The following SLC14A2 variants were observed in gnomAD, a reference collection of about 807,000 sequenced individuals.
The protein encoded by SLC14A2 is solute carrier family 14 member 2, also known as urea transporter 2.
A neutral mutation model predicts 104.6 loss-of-function variants in SLC14A2; 91 were observed. The observed-to-expected ratio is 0.87, with a 90% confidence interval of 0.73 to 1.04. The LOEUF (loss-of-function observed/expected upper bound fraction) is 1.04. SLC14A2 is among the 50% of genes least tolerant of loss of function. The pLI is 0.00. For missense variants in SLC14A2, 1,189 were observed against 1,156.0 expected, an observed-to-expected ratio of 1.03 and a Z score of -0.41; for synonymous variants, 476 against 466.4, an observed-to-expected ratio of 1.02 and a Z score of -0.27.
chr18:45,414,975 T>A (rs1023378578), intron 1 of SLC14A2, among the ~76,000 whole-genome samples: 3 of 151,564 alleles, frequency 2.0e-5, no homozygotes. Flanking sequence ...ATGTTTAACC[T>A]CTCCAAATTA....
At chr18:45,177,011 T>A in the SLC14A2 span, among the ~76,000 whole-genome samples, 1 of 152,186 alleles carries the variant, frequency 6.6e-6, no homozygotes, top group Admixed American at 6.6e-5. Flanking sequence ...CCTCATGCTT[T>A]TTCCTTCCAA....
chr18:45,341,595 C>CTTTTTTTT (rs376534367), intron 1 of SLC14A2, among the ~76,000 whole-genome samples: 11 of 83,154 alleles, frequency 1.3e-4, no homozygotes, highest in African/African-American at 1.6e-4. Context: ...TCTAGTATTA[C>CTTTTTTTT]TTTTTTTTTT....
At chr18:45,544,591 A>G (rs951352535) in intron 2 of SLC14A2, among the ~76,000 whole-genome samples, 3 of 152,122 alleles carry the variant, frequency 2.0e-5, no homozygotes, top group Non-Finnish European at 2.9e-5. Context: ...AGAAAAAAAC[A>G]ATTAAAATCA....
the SLC14A2 span, among the ~76,000 whole-genome samples, chr18:45,189,000 C>T: frequency 1.3e-5 from 2 of 152,186 alleles, no homozygotes; most frequent in South Asian, 4.1e-4. Context: ...AGCTCTGTTA[C>T]ATGCAATGCA....
chr18:45,226,744 A>G (rs1423666873), intron 1 of SLC14A2, among the ~76,000 whole-genome samples: 2 of 152,082 alleles, frequency 1.3e-5, no homozygotes, highest in African/African-American at 4.8e-5. Flanking sequence ...GCAGCACACC[A>G]ACATGGCACA....
At chr18:45,415,298 A>C (rs1026761381) in intron 1 of SLC14A2, among the ~76,000 whole-genome samples, 13 of 152,024 alleles carry the variant, frequency 8.6e-5, no homozygotes, top group African/African-American at 2.9e-4. Flanking sequence ...CATTCTCTCC[A>C]ATTTTATACG....
At chr18:45,574,245 G>C (rs906804529) in intron 2 of SLC14A2, among the ~76,000 whole-genome samples, 1 of 152,162 alleles carries the variant, frequency 6.6e-6, no homozygotes, top group African/African-American at 2.4e-5. Flanking sequence ...TAATGTAGGG[G>C]AGTTATGGGG....
At chr18:45,509,036 T>A (rs988378702) in intron 2 of SLC14A2, among the ~76,000 whole-genome samples, 1 of 152,152 alleles carries the variant, frequency 6.6e-6, no homozygotes, top group South Asian at 2.1e-4. Flanking sequence ...CTCAGGGACT[T>A]CAGATGGTCA....
intron 1 of SLC14A2, among the ~76,000 whole-genome samples, chr18:45,319,851 C>T (rs933873791): frequency 6.6e-6 from 1 of 152,126 alleles, no homozygotes; most frequent in Admixed American, 6.5e-5. Flanking sequence ...TCCAGAAATG[C>T]TGGGTTTTCT....
chr18:45,402,669 C>T (rs2086109256), intron 1 of SLC14A2, among the ~76,000 whole-genome samples: 1 of 152,194 alleles, frequency 6.6e-6, no homozygotes, highest in East Asian at 1.9e-4. Context: ...GATTTAGCCA[C>T]TCCCCTCCAC....
chr18:45,219,289 C>T (rs1040648750), intron 1 of SLC14A2, among the ~76,000 whole-genome samples: 2 of 152,164 alleles, frequency 1.3e-5, no homozygotes, highest in Non-Finnish European at 2.9e-5. Context: ...CTCTTGTCTG[C>T]ATTTTTGTGA....
chr18:45,478,991 G>T (rs1438171139), intron 1 of SLC14A2, among the ~76,000 whole-genome samples: 2 of 152,172 alleles, frequency 1.3e-5, no homozygotes, highest in Admixed American at 6.5e-5. Flanking sequence ...TGTTGGTTCT[G>T]CCCTCTTTGG....
At chr18:45,219,138 T>C (rs960318017) in intron 1 of SLC14A2, among the ~76,000 whole-genome samples, 1 of 152,138 alleles carries the variant, frequency 6.6e-6, no homozygotes, top group African/African-American at 2.4e-5. Flanking sequence ...GCCTCAATTT[T>C]CCCATCATTA....
intron 1 of SLC14A2, among the ~76,000 whole-genome samples, chr18:45,220,336 G>A (rs949873286): frequency 2.0e-5 from 3 of 152,214 alleles, no homozygotes; most frequent in Non-Finnish European, 4.4e-5. Flanking sequence ...GAAATGCCAA[G>A]TGGTTTTTGC....
chr18:45,607,916 G>A (rs2044897386), intron 2 of SLC14A2, among the ~76,000 whole-genome samples: 1 of 152,208 alleles, frequency 6.6e-6, no homozygotes, highest in Admixed American at 6.5e-5. Flanking sequence ...GTCATAACAT[G>A]GCAGTAGTTT....
At chr18:45,672,287 T>C (rs2046152922) in intron 16 of SLC14A2, among the ~76,000 whole-genome samples, 1 of 152,150 alleles carries the variant, frequency 6.6e-6, no homozygotes, top group African/African-American at 2.4e-5. Context: ...CCCAGCACTT[T>C]GGGAGACCAA....
intron 18 of SLC14A2, among the ~76,000 whole-genome samples, chr18:45,674,644 TA>T (rs1007462540): frequency 2.7e-5 from 4 of 150,864 alleles, no homozygotes; most frequent in African/African-American, 9.7e-5. Context: ...ATTGCCCAAA[TA>T]AAAGGTAGCC....
At chr18:45,292,899 G>A (rs1464762812) in intron 1 of SLC14A2, among the ~76,000 whole-genome samples, 1 of 151,952 alleles carries the variant, frequency 6.6e-6, no homozygotes, top group African/African-American at 2.4e-5. Context: ...ACTCCCAATG[G>A]CTCCTTAATG....
At chr18:45,439,403 T>TA (rs916030239) in intron 1 of SLC14A2, among the ~76,000 whole-genome samples, 4 of 152,136 alleles carry the variant, frequency 2.6e-5, no homozygotes, top group South Asian at 2.1e-4. Flanking sequence ...AAGTGTTCAG[T>TA]AAAAAAACTC....
Sources: allele counts gnomAD v4.1 joint callset (sites outside exome capture counted in the v4.1 genomes callset), GRCh38; gene constraint gnomAD v4.1.1; transcripts MANE v1.5; gene names NCBI Gene and HGNC (gene_info 2026-07-23, HGNC 2026-07-21).